The following SLC35D2 variants were observed in gnomAD, a reference collection of about 807,000 sequenced individuals.
SLC35D2 encodes nucleotide sugar transporter SLC35D2.
A neutral mutation model predicts 41.8 loss-of-function variants in SLC35D2; 43 were observed. The ratio of observed to expected loss-of-function variants is 1.03; its 90% CI spans 0.81 to 1.33. The LOEUF (loss-of-function observed/expected upper bound fraction) is 1.33, where lower values mean the gene tolerates loss of function less well. Among genes scored for constraint, SLC35D2 ranks in the 40% most tolerant of loss-of-function variants. The pLI is 0.00. For missense variants in SLC35D2, 380 were observed against 408.4 expected (o/e 0.93, Z 0.60); for synonymous variants, 150 against 163.9 (o/e 0.92, Z 0.65).
intron 4 of SLC35D2, among the ~76,000 whole-genome samples, chr9:96,353,454 A>G (rs1829896452): frequency 6.6e-6 from 1 of 152,040 alleles, no homozygotes; most frequent in Non-Finnish European, 1.5e-5. Context: ...CCCGGGTTCA[A>G]GCGATTCTCC....
chr9:96,334,750 C>G (rs1257119445), intron 9 of SLC35D2, among the ~76,000 whole-genome samples: 1 of 152,108 alleles, frequency 6.6e-6, no homozygotes, highest in Non-Finnish European at 1.5e-5. Flanking sequence ...TGCTTAAATT[C>G]TCAAGAGCTG....
chr9:96,315,222 C>T (rs1039241074), intron 11 of SLC35D2, among the ~76,000 whole-genome samples: 1 of 150,920 alleles, frequency 6.6e-6, no homozygotes, highest in Non-Finnish European at 1.5e-5. Context: ...CAAGGTCAAG[C>T]TATCCTCCCA....
chr9:96,349,144 C>A (rs536940521), intron 6 of SLC35D2, among the ~76,000 whole-genome samples: 1 of 152,286 alleles, frequency 6.6e-6, no homozygotes, highest in South Asian at 2.1e-4. Context: ...CTTGGATACT[C>A]CCTTTTCAAT....
intron 2 of SLC35D2, among the ~76,000 whole-genome samples, chr9:96,365,270 A>C (rs1245314775): frequency 2.6e-5 from 4 of 152,126 alleles, no homozygotes; most frequent in African/African-American, 9.6e-5. Flanking sequence ...GGACCACCTG[A>C]GCCCGGAAAG....
In SLC35D2 at chr9:96,352,050, G is replaced by C. The variant is rs1564108777; in HGVS notation, c.407C>G (p.Thr136Ser). The C allele has an allele frequency of 6.2e-7, 1 of 1,611,200 alleles. No individual in the cohort carries two copies. The highest frequency in any genetic ancestry group is 8.5e-7 in the Non-Finnish European group (1 of 1,177,984). The change falls in exon 5 of 12, where the codon ACC becomes AGC. Residue 136 changes from threonine (T) to serine (S), a missense_variant. Coordinates refer to ENST00000253270, the MANE Select transcript of SLC35D2 (RefSeq NM_007001.3). ...AAAACAAAATCACCCAAGTATGATG[G>C]TTTCCAGAAGTAAGGTAAGTGGAAT... ...FTIPLTLLLE[T>S]IILGKQYSLN...
At chr9:96,322,717 G>GTTTTTTT (rs57493593) in intron 10 of SLC35D2, among the ~76,000 whole-genome samples, 3,082 of 111,038 alleles carry the variant, frequency 0.028, 130 homozygotes, top group East Asian at 0.032. Context: ...GTTTTCTGGG[G>GTTTTTTT]TTTTTTTTTT....
chr9:96,350,347 C>CTTTTTTTTTTT lies in SLC35D2; in HGVS notation c.488+745_488+755dup, dbSNP rs57531044. Among the ~76,000 whole-genome samples the CTTTTTTTTTTT allele has an allele frequency of 2.6e-4, 24 of 91,006 alleles. 1 individual carries two copies. The highest frequency in any genetic ancestry group is 1.0e-3 in the African/African-American group (21 of 20,058). The allele number at this position is 91,006 out of a possible 152,430, so 59.7% of individuals were successfully genotyped here. A position where few individuals can be genotyped will look rare whatever the true frequency, so the allele number is the denominator to read the frequency against. On this transcript the variant is annotated intron_variant, in intron 6 of 11. Coordinates refer to ENST00000253270, the MANE Select transcript of SLC35D2 (RefSeq NM_007001.3). ...CACGACGCCAGGCTAATTTTCTTTC[C>CTTTTTTTTTTT]TTTTTTTTTTTTTTTTTTTTTTTTT...
chr9:96,321,154 A>G lies in SLC35D2; in HGVS notation c.*88T>C. 1.0e-6 allele frequency: 1 copy of G among 992,516 alleles called. No homozygotes were observed. The allele number at this position is 992,516 out of a possible 1,614,324, so 61.5% of individuals were successfully genotyped here. A position where few individuals can be genotyped will look rare whatever the true frequency, so the allele number is the denominator to read the frequency against. ...ACTTGCCCAGGGGGTGGATGTCACG[A>G]ATCCGAAACCTCTGGCTTCACATTC... On this transcript the variant is annotated 3_prime_UTR_variant, in exon 12 of 12. Transcript: ENST00000253270.
intron 1 of SLC35D2, among the ~76,000 whole-genome samples, chr9:96,383,033 G>A (rs1171386518): frequency 6.6e-6 from 1 of 152,162 alleles, no homozygotes; most frequent in Non-Finnish European, 1.5e-5. Context: ...ACTTCCAATT[G>A]TTTTCCCGAG....
At chr9:96,329,088 C>CAAA (rs11325875) in intron 9 of SLC35D2, among the ~76,000 whole-genome samples, 1 of 95,180 alleles carries the variant, frequency 1.1e-5, no homozygotes, top group Non-Finnish European at 2.1e-5. Flanking sequence ...GACTCCATCT[C>CAAA]AAAAAAAAAA....
chr9:96,372,006 G>A (rs1457944716), intron 1 of SLC35D2, among the ~76,000 whole-genome samples: 1 of 151,982 alleles, frequency 6.6e-6, no homozygotes, highest in Non-Finnish European at 1.5e-5. Context: ...GATTACAGGC[G>A]TGAGCCACCG....
At chr9:96,353,941 C>G (rs1360103590) in intron 4 of SLC35D2, among the ~76,000 whole-genome samples, 2 of 152,134 alleles carry the variant, frequency 1.3e-5, no homozygotes, top group Non-Finnish European at 2.9e-5. Flanking sequence ...GCTCAGCCAC[C>G]CATACCCCAG....
chr9:96,319,787 G>A (rs1389370478), downstream of SLC35D2, among the ~76,000 whole-genome samples: 8 of 152,302 alleles, frequency 5.3e-5, no homozygotes, highest in Admixed American at 3.3e-4. Flanking sequence ...GGCGTGAACC[G>A]CCGCACCCAG....
intron 4 of SLC35D2, among the ~76,000 whole-genome samples, chr9:96,359,832 A>C (rs942708561): frequency 9.9e-5 from 15 of 152,216 alleles, no homozygotes; most frequent in Non-Finnish European, 2.1e-4. Context: ...TATAAAACTG[A>C]GATGAAACCA....
intron 7 of SLC35D2, among the ~76,000 whole-genome samples, chr9:96,345,091 A>G (rs1829516501): frequency 6.6e-6 from 1 of 152,188 alleles, no homozygotes; most frequent in Non-Finnish European, 1.5e-5. Context: ...GTGTGCATCT[A>G]AACTAGTGGC....
At chr9:96,379,898 C>CT (rs372665048) in intron 1 of SLC35D2, among the ~76,000 whole-genome samples, 5,282 of 135,358 alleles carry the variant, frequency 0.039, 305 homozygotes, top group African/African-American at 0.12. Context: ...AGGCTAGAGC[C>CT]TTTTTTTTTT....
intron 6 of SLC35D2, among the ~76,000 whole-genome samples, chr9:96,349,632 T>C (rs1169004123): frequency 6.6e-6 from 1 of 152,128 alleles, no homozygotes; most frequent in African/African-American, 2.4e-5. Context: ...TTCAAGCGAT[T>C]CTCCTACCTC....
intron 1 of SLC35D2, among the ~76,000 whole-genome samples, chr9:96,382,495 A>AAT (rs1564133998): frequency 1.6e-5 from 2 of 126,842 alleles, no homozygotes; most frequent in Admixed American, 9.0e-5. Context: ...ACACACACAC[A>AAT]CTATATATAT....
intron 8 of SLC35D2, among the ~76,000 whole-genome samples, chr9:96,338,399 C>T (rs923116548): frequency 2.0e-5 from 3 of 151,960 alleles, no homozygotes; most frequent in Non-Finnish European, 4.4e-5. Flanking sequence ...ATACACATGA[C>T]AAAAATTAGC....
Sources: gnomAD v4.1 joint callset for allele counts (sites outside exome capture counted in the v4.1 genomes callset) on GRCh38, gnomAD v4.1.1 for gene constraint, MANE v1.5 for transcripts, NCBI Gene and HGNC (gene_info 2026-07-23, HGNC 2026-07-21) for gene names.